The following TENM3 variants were observed in gnomAD, a reference collection of about 807,000 sequenced individuals.
The protein encoded by TENM3 is teneurin-3.
TENM3 carries 63 observed loss-of-function variants against 255.1 expected under a neutral mutation model. That is an observed-to-expected ratio of 0.25 (90% CI 0.20 to 0.30). The LOEUF (loss-of-function observed/expected upper bound fraction) is 0.30. Ranked by LOEUF, TENM3 falls within the 10% of genes least tolerant of loss-of-function variation. The pLI is 1.00. For missense variants in TENM3, 2,929 were observed against 3,461.1 expected, an observed-to-expected ratio of 0.85 and a Z score of 3.86; for synonymous variants, 1,306 against 1,322.3, an observed-to-expected ratio of 0.99 and a Z score of 0.27.
At chr4:182,432,825 AT>A (rs900227885) in intron 3 of TENM3, among the ~76,000 whole-genome samples, 1 of 52,262 alleles carries the variant, frequency 1.9e-5, no homozygotes, top group Non-Finnish European at 4.7e-5. Context: ...CAGTTTTCAA[AT>A]TTTTCATCAG....
chr4:182,616,438 G>T (rs1270725206), intron 4 of TENM3, among the ~76,000 whole-genome samples: 2 of 150,424 alleles, frequency 1.3e-5, no homozygotes, highest in East Asian at 3.9e-4. Context: ...CGAGTTAGTG[G>T]GTGCAGCGCA....
the TENM3 span, chr4:182,079,805 C>T: frequency 6.6e-6 from 1 of 152,288 alleles, no homozygotes; most frequent in Non-Finnish European, 1.5e-5. Context: ...GTTCTGAGAG[C>T]TTTCAGTCAA....
the TENM3 span, among the ~76,000 whole-genome samples, chr4:182,026,629 A>T: frequency 1.3e-5 from 2 of 152,030 alleles, no homozygotes; most frequent in East Asian, 3.9e-4. Flanking sequence ...TTTTTATTTG[A>T]TTTTTGTATA....
chr4:182,031,313 T>A, the TENM3 span, among the ~76,000 whole-genome samples: 2 of 152,204 alleles, frequency 1.3e-5, no homozygotes, highest in East Asian at 3.9e-4. Context: ...AATAGGGAAT[T>A]ATTTCTCCAT....
the TENM3 span, among the ~76,000 whole-genome samples, chr4:182,130,552 A>G: frequency 6.6e-6 from 1 of 152,174 alleles, no homozygotes; most frequent in Admixed American, 6.5e-5. Context: ...TTCCCTAGTC[A>G]GAGACGTTAC....
intron 5 of TENM3, among the ~76,000 whole-genome samples, chr4:182,646,994 TGACATTTA>T (rs1385881072): frequency 6.6e-5 from 10 of 152,186 alleles, no homozygotes; most frequent in Non-Finnish European, 1.5e-4. Context: ...TAAGTAAGCA[TGACATTTA>T]TACCCCAAAC....
chr4:181,555,141 G>A, the TENM3 span, among the ~76,000 whole-genome samples: 20 of 152,200 alleles, frequency 1.3e-4, no homozygotes, highest in African/African-American at 4.6e-4. Context: ...ATTCCTACAT[G>A]GTAGGCAGAC....
chr4:181,605,570 G>GATAGAA, the TENM3 span, among the ~76,000 whole-genome samples: 1 of 24,788 alleles, frequency 4.0e-5, no homozygotes, highest in Non-Finnish European at 1.1e-4. Flanking sequence ...AAGAAAGAAA[G>GATAGAA]AGAGAGAAAG....
At chr4:182,678,987 C>T (rs137931771) in intron 7 of TENM3, among the ~76,000 whole-genome samples, 447 of 152,290 alleles carry the variant, frequency 2.9e-3, no homozygotes, top group African/African-American at 0.01. Context: ...CGCATGTTCT[C>T]ACTCATAAGT....
At chr4:182,542,740 C>T (rs1217553311) in intron 3 of TENM3, among the ~76,000 whole-genome samples, 1 of 152,164 alleles carries the variant, frequency 6.6e-6, no homozygotes, top group African/African-American at 2.4e-5. Flanking sequence ...GTATACTTTA[C>T]TTTCTTACAA....
chr4:181,938,665 C>T, the TENM3 span, among the ~76,000 whole-genome samples: 1 of 152,110 alleles, frequency 6.6e-6, no homozygotes, highest in Non-Finnish European at 1.5e-5. Context: ...TTAGGAATAA[C>T]AAACAAATGC....
intron 12 of TENM3, among the ~76,000 whole-genome samples, chr4:182,700,758 G>T (rs1231821632): frequency 6.6e-6 from 1 of 152,106 alleles, no homozygotes; most frequent in Non-Finnish European, 1.5e-5. Context: ...AATTATGTTG[G>T]TGGGGAATCT....
At chr4:181,450,829 G>A in the TENM3 span, among the ~76,000 whole-genome samples, 3 of 152,180 alleles carry the variant, frequency 2.0e-5, no homozygotes, top group African/African-American at 7.2e-5. Context: ...ATATGCTACT[G>A]TAATAATTTT....
intron 3 of TENM3, among the ~76,000 whole-genome samples, chr4:182,384,533 T>C (rs910003902): frequency 2.0e-5 from 3 of 152,200 alleles, no homozygotes; most frequent in Non-Finnish European, 4.4e-5. Flanking sequence ...GTGGAATAAA[T>C]GTGGTACTTT....
At chr4:182,114,658 G>A in the TENM3 span, among the ~76,000 whole-genome samples, 4 of 152,064 alleles carry the variant, frequency 2.6e-5, no homozygotes, top group Non-Finnish European at 4.4e-5. Flanking sequence ...AAAATTACAT[G>A]AGCCTGTGTT....
At chr4:181,837,952 A>G in the TENM3 span, among the ~76,000 whole-genome samples, 3 of 152,156 alleles carry the variant, frequency 2.0e-5, no homozygotes, top group South Asian at 6.2e-4. Context: ...AGCCTGACCA[A>G]CATGGTGAAA....
chr4:182,218,050 G>A (rs928730386), intron 1 of TENM3, among the ~76,000 whole-genome samples: 2 of 152,176 alleles, frequency 1.3e-5, no homozygotes, highest in East Asian at 1.9e-4. Flanking sequence ...GTTAGGCAAC[G>A]TTCTAAGGAC....
chr4:182,370,783 A>C (rs550751278), intron 3 of TENM3, among the ~76,000 whole-genome samples: 1 of 152,304 alleles, frequency 6.6e-6, no homozygotes, highest in East Asian at 1.9e-4. Context: ...TGTTTCTAGA[A>C]GTGATCTCTG....
chr4:182,170,562 A>C (rs193074963), intron 1 of TENM3, among the ~76,000 whole-genome samples: 4 of 152,180 alleles, frequency 2.6e-5, no homozygotes, highest in African/African-American at 9.6e-5. Flanking sequence ...GCCCTGTGTT[A>C]AATTGAAAGC....
Sources: gnomAD v4.1 joint callset for allele counts (sites outside exome capture counted in the v4.1 genomes callset) on GRCh38, gnomAD v4.1.1 for gene constraint, MANE v1.5 for transcripts, NCBI Gene and HGNC (gene_info 2026-07-23, HGNC 2026-07-21) for gene names.